WRN: variants seen among roughly 807,000 people sequenced by gnomAD.
WRN encodes the protein bifunctional 3'-5' exonuclease/ATP-dependent helicase WRN.
Under a neutral mutation model 180.7 loss-of-function variants are expected in WRN, and 149 were observed. The ratio of observed to expected loss-of-function variants is 0.82; its 90% CI spans 0.72 to 0.94. The LOEUF is 0.94. WRN is among the 40% of genes least tolerant of loss of function. The pLI is 0.00. For synonymous variants in WRN, 548 were observed against 568.9 expected (o/e 0.96, Z 0.52); for missense variants, 1,661 against 1,700.1 (o/e 0.98, Z 0.40).
intron 30 of WRN, among the ~76,000 whole-genome samples, chr8:31,148,445 CTATT>C (rs1230011819): frequency 6.6e-6 from 1 of 152,126 alleles, no homozygotes; most frequent in African/African-American, 2.4e-5. Flanking sequence ...TCAAGGCCCT[CTATT>C]TATGAACTTA....
chr8:31,108,664 C>A (rs1390407592), intron 18 of WRN, among the ~76,000 whole-genome samples: 2 of 152,012 alleles, frequency 1.3e-5, no homozygotes, highest in Admixed American at 6.5e-5. Context: ...CCCCTTGTGA[C>A]CTGGGTACAT....
At chr8:31,051,013 A>G (rs1307766146) in intron 1 of WRN, among the ~76,000 whole-genome samples, 1 of 152,104 alleles carries the variant, frequency 6.6e-6, no homozygotes, top group African/African-American at 2.4e-5. Flanking sequence ...GCATTGCATT[A>G]TTTAACTAAT....
intron 5 of WRN, among the ~76,000 whole-genome samples, chr8:31,065,565 CTTAT>C (rs1341839134): frequency 2.0e-5 from 3 of 151,994 alleles, no homozygotes. Context: ...AGGACATGAT[CTTAT>C]TTATTTTTTT....
At chr8:31,159,654 G>T (rs1803530564) in intron 33 of WRN, among the ~76,000 whole-genome samples, 1 of 147,450 alleles carries the variant, frequency 6.8e-6, no homozygotes, top group East Asian at 2.1e-4. Context: ...AAAAAAAGGT[G>T]TTGCGCCAGG....
chr8:31,098,516 C>T (rs932454955), intron 17 of WRN, among the ~76,000 whole-genome samples: 1 of 152,132 alleles, frequency 6.6e-6, no homozygotes, highest in African/African-American at 2.4e-5. Context: ...TGAAAATGTT[C>T]TCTGGTTGAC....
At position 31,087,769 on chromosome 8, in the gene WRN, C is replaced by T. The variant is rs1563342901; in HGVS notation, c.1432-7C>T. On this transcript the variant is annotated splice_region_variant and splice_polypyrimidine_tract_variant and intron_variant, in intron 11 of 34. Coordinates refer to ENST00000298139, the MANE Select transcript of WRN (RefSeq NM_000553.6). Reference sequence around the variant, plus strand: ...TTTTGCTTTTAAGATTTCTTTTAAACTTTCAGTCTTTAGAAAACCTCAATA... The same window carrying T: ...TTTTGCTTTTAAGATTTCTTTTAAATTTTCAGTCTTTAGAAAACCTCAATA... 1.2e-6 allele frequency: 2 copies of T among 1,612,702 alleles called. No homozygotes were observed. The highest frequency in any genetic ancestry group is 1.7e-6 in the Non-Finnish European group (2 of 1,179,110).
Position 31,100,894 on chromosome 8 carries a change from G to A in WRN, c.2027G>A (p.Trp676Ter), listed in dbSNP as rs779805817. The stretch of plus-strand genomic sequence containing the variant: ...GATGAGGCTCACTGTATTTCTGAGT[G>A]GGGGCATGATTTTAGGGATTCATTC... ...AVDEAHCISE[W>*]GHDFRDSFRK... The change falls in exon 18 of 35, where the codon TGG (tryptophan) becomes TAG (stop). Residue 676 changes from tryptophan to a stop codon, truncating the protein, a stop_gained. Transcript: ENST00000298139. LOFTEE classifies it high-confidence loss of function. The A allele has an allele frequency of 6.2e-7, 1 of 1,613,988 alleles. No homozygotes were observed. The highest frequency in any genetic ancestry group is 8.5e-7 in the Non-Finnish European group (1 of 1,179,984).
intron 8 of WRN, among the ~76,000 whole-genome samples, chr8:31,080,245 G>C (rs1216429638): frequency 6.6e-6 from 1 of 152,034 alleles, no homozygotes; most frequent in African/African-American, 2.4e-5. Flanking sequence ...ATATGTCAAG[G>C]CTTTTTCATT....
At chr8:31,083,554 A>G (rs1813403695) in intron 9 of WRN, 145 bp from the exon 10 acceptor site, 4 of 428,288 alleles carry the variant, frequency 9.3e-6, no homozygotes, top group Non-Finnish European at 1.7e-5. Flanking sequence ...TTTATCTATC[A>G]TATAAATATG....
intron 23 of WRN, 105 bp from the exon 24 acceptor site, chr8:31,132,260 C>A: frequency 7.2e-7 from 1 of 1,382,808 alleles, no homozygotes; most frequent in Non-Finnish European, 9.8e-7. Context: ...GCAGTTGGCA[C>A]ATTTGAGATA....
At chr8:31,130,760 A>T (rs1232692710) in intron 23 of WRN, among the ~76,000 whole-genome samples, 1 of 152,056 alleles carries the variant, frequency 6.6e-6, no homozygotes, top group African/African-American at 2.4e-5. Context: ...AGCTACATAA[A>T]AACAGTTGTA....
intron 9 of WRN, among the ~76,000 whole-genome samples, chr8:31,082,446 C>T (rs946194797): frequency 1.3e-5 from 2 of 152,096 alleles, no homozygotes; most frequent in Non-Finnish European, 2.9e-5. Context: ...TCAAAATATT[C>T]TCATACCAAC....
chr8:31,080,811 G>A (rs920386048), intron 8 of WRN, 56 bp from the exon 9 acceptor site: 16 of 1,408,606 alleles, frequency 1.1e-5, no homozygotes, highest in South Asian at 1.3e-5. Context: ...TTCACAGTTT[G>A]TCCTTGTAGT....
intron 13 of WRN, 66 bp from the exon 14 acceptor site, chr8:31,090,399 A>C: frequency 6.9e-7 from 1 of 1,457,316 alleles, no homozygotes; most frequent in Non-Finnish European, 9.6e-7. Flanking sequence ...AATTGAATGG[A>C]TTTTAATTTG....
chr8:31,125,877 A>G (rs2130349277), intron 23 of WRN, among the ~76,000 whole-genome samples: 1 of 151,372 alleles, frequency 6.6e-6, no homozygotes, highest in Non-Finnish European at 1.5e-5. Context: ...TTACAGCAAC[A>G]TCTAGATTAG....
At chr8:31,088,044 C>A in intron 12 of WRN, 124 bp downstream of exon 12, 1 of 1,502,780 alleles carries the variant, frequency 6.7e-7, no homozygotes, top group South Asian at 1.3e-5. Context: ...TTATTGGATC[C>A]TTATAAGCTT....
chr8:31,045,340 C>T (rs1811818708), intron 1 of WRN, among the ~76,000 whole-genome samples: 1 of 151,900 alleles, frequency 6.6e-6, no homozygotes, highest in Non-Finnish European at 1.5e-5. Context: ...AAGGTTTTCT[C>T]TATATGGGAT....
chr8:31,035,599 G>A (rs1811425351), intron 1 of WRN, among the ~76,000 whole-genome samples: 1 of 152,088 alleles, frequency 6.6e-6, no homozygotes, highest in Non-Finnish European at 1.5e-5. Context: ...GAGGGAGATG[G>A]GAAGCTGTTG....
At chr8:31,063,462 A>C (rs985699421) in intron 3 of WRN, among the ~76,000 whole-genome samples, 2 of 152,208 alleles carry the variant, frequency 1.3e-5, no homozygotes, top group Non-Finnish European at 2.9e-5. Context: ...TGAGGGTTTC[A>C]TTTATTTGTG....
Sources: allele counts gnomAD v4.1 joint callset (sites outside exome capture counted in the v4.1 genomes callset), GRCh38; gene constraint gnomAD v4.1.1; transcripts MANE v1.5; gene names NCBI Gene and HGNC (gene_info 2026-07-23, HGNC 2026-07-21).